Variants in MYRFL observed in about 807,000 individuals in gnomAD.
MYRFL encodes the protein myelin regulatory factor like.
MYRFL carries 88 observed loss-of-function variants against 109.4 expected under a neutral mutation model. The observed-to-expected ratio is 0.80, with a 90% CI of 0.68 to 0.96. The LOEUF (loss-of-function observed/expected upper bound fraction) is 0.96, where lower values mean the gene tolerates loss of function less well. Among genes scored for constraint, MYRFL ranks in the 40% least tolerant of loss-of-function variants. The pLI is 0.00. For missense variants in MYRFL, 957 were observed against 954.9 expected (o/e 1.00, Z -0.03); for synonymous variants, 324 against 320.9 (o/e 1.01, Z -0.10).
chr12:69,901,930 G>A (rs77704454), intron 10 of MYRFL, among the ~76,000 whole-genome samples: 45,143 of 145,980 alleles, frequency 0.31, 7,275 homozygotes, highest in African/African-American at 0.35. Context: ...GTATTGCTCT[G>A]TCCCCTAGGC....
intron 10 of MYRFL, among the ~76,000 whole-genome samples, chr12:69,898,188 A>C (rs1034703143): frequency 6.6e-6 from 1 of 152,190 alleles, no homozygotes; most frequent in African/African-American, 2.4e-5. Context: ...CCATTTGGGG[A>C]AATGGCATCT....
rs1428329911 is a variant in MYRFL, at chr12:69,909,995, A to G, written c.1410A>G (p.Arg470=). 6.5e-7 allele frequency: 1 copy of G among 1,533,638 alleles called. No homozygotes were observed. Among genetic ancestry groups the G allele is most frequent in the Non-Finnish European group, 8.7e-7 (1 of 1,146,206 alleles). ...QEVDTNEQLK[R]IAQMRIVEYD... ...TTGACACGAATGAACAGCTGAAAAGAATAGCCCAAATGAGAATTGTTGAAT... is the reference window on the plus strand; with the variant it reads ...TTGACACGAATGAACAGCTGAAAAGGATAGCCCAAATGAGAATTGTTGAAT... Residue 470 remains arginine (R), a synonymous_variant, in exon 12 of 25, where the codon AGA becomes AGG. Coordinates refer to ENST00000552032, the MANE Select transcript of MYRFL (RefSeq NM_182530.3).
intron 4 of MYRFL, among the ~76,000 whole-genome samples, chr12:69,879,901 G>A (rs1037205124): frequency 6.6e-6 from 1 of 152,048 alleles, no homozygotes; most frequent in Non-Finnish European, 1.5e-5. Flanking sequence ...AAAAATTGTG[G>A]TAAAACTCCA....
At chr12:69,879,590 C>T in intron 4 of MYRFL, 137 bp downstream of exon 4, 1 of 578,504 alleles carries the variant, frequency 1.7e-6, no homozygotes, top group Non-Finnish European at 3.1e-6. Flanking sequence ...TATAGGACAT[C>T]GCGAGGTCCC....
intron 11 of MYRFL, among the ~76,000 whole-genome samples, chr12:69,906,561 A>G (rs563104917): frequency 2.1e-5 from 3 of 145,022 alleles, no homozygotes; most frequent in African/African-American, 8.3e-5. Flanking sequence ...AAAAAATTCA[A>G]GCCAGAAAAG....
chr12:69,834,647 G>A (rs1882828955), intron 1 of MYRFL, among the ~76,000 whole-genome samples: 1 of 152,134 alleles, frequency 6.6e-6, no homozygotes, highest in South Asian at 2.1e-4. Flanking sequence ...TTTATTTATT[G>A]TGAAACAAGA....
chr12:69,831,306 G>T (rs1251515795), intron 1 of MYRFL, among the ~76,000 whole-genome samples: 1 of 152,146 alleles, frequency 6.6e-6, no homozygotes, highest in African/African-American at 2.4e-5. Flanking sequence ...GATGCTGTGA[G>T]CGAAGAGGTG....
chr12:69,857,200 C>A (rs1484595182), intron 2 of MYRFL, among the ~76,000 whole-genome samples: 1 of 151,980 alleles, frequency 6.6e-6, no homozygotes, highest in South Asian at 2.1e-4. Context: ...TATTTCTAGA[C>A]TCTTCATTCC....
At chr12:69,945,047 AAG>A (rs1447269205) in intron 19 of MYRFL, among the ~76,000 whole-genome samples, 1 of 152,182 alleles carries the variant, frequency 6.6e-6, no homozygotes, top group Non-Finnish European at 1.5e-5. Context: ...GATATAAAGA[AAG>A]AAAATATCTT....
chr12:69,957,377 A>AAAAT (rs1346887407), intron 22 of MYRFL, among the ~76,000 whole-genome samples: 2 of 152,216 alleles, frequency 1.3e-5, no homozygotes, highest in Non-Finnish European at 1.5e-5. Flanking sequence ...AAAATTATAA[A>AAAAT]AAATACATAT....
At chr12:69,866,985 C>T (rs370777818) in intron 2 of MYRFL, among the ~76,000 whole-genome samples, 5 of 152,156 alleles carry the variant, frequency 3.3e-5, no homozygotes, top group African/African-American at 1.2e-4. Context: ...CTTATTTGGC[C>T]GTGGGCCCCA....
At chr12:69,894,610 G>T (rs1290405297) in intron 8 of MYRFL, among the ~76,000 whole-genome samples, 3 of 152,206 alleles carry the variant, frequency 2.0e-5, no homozygotes, top group Non-Finnish European at 2.9e-5. Flanking sequence ...TTAAAGCCAT[G>T]TTGATAGCTT....
rs1461678033 is a variant in MYRFL, at chr12:69,833,969, A to AG, written c.46+8408dup. On this transcript the variant is annotated intron_variant, in intron 1 of 24. Transcript: ENST00000552032. ...ATAAGATGAGGTGTTAGTGGTAAAA[A>AG]GGTAATGGTTTATGTTCATTGAGCA... Among the ~76,000 whole-genome samples, 16 of 152,202 alleles carry AG rather than the reference A, an allele frequency of 1.1e-4. No homozygotes were observed. In the East Asian group the frequency reaches 2.9e-3, roughly 27 times the overall value.
chr12:69,895,023 C>G (rs745581853), intron 8 of MYRFL, among the ~76,000 whole-genome samples: 4 of 152,226 alleles, frequency 2.6e-5, no homozygotes, highest in Non-Finnish European at 5.9e-5. Context: ...GCTATCACAA[C>G]AGTGGCGGCA....
intron 1 of MYRFL, among the ~76,000 whole-genome samples, chr12:69,844,701 C>G (rs1205482682): frequency 1.3e-5 from 2 of 152,160 alleles, no homozygotes; most frequent in African/African-American, 2.4e-5. Context: ...TTGGCCTTAT[C>G]TGTAAACTGG....
At chr12:69,900,779 T>A (rs1310325546) in intron 10 of MYRFL, among the ~76,000 whole-genome samples, 1 of 152,206 alleles carries the variant, frequency 6.6e-6, no homozygotes, top group East Asian at 1.9e-4. Flanking sequence ...TTGCTGCTGA[T>A]GCTGTTTTCT....
At chr12:69,859,262 A>G (rs533823937) in intron 2 of MYRFL, among the ~76,000 whole-genome samples, 4 of 152,286 alleles carry the variant, frequency 2.6e-5, no homozygotes, top group Middle Eastern at 3.4e-3. Flanking sequence ...ATGACCCAGA[A>G]TATGATCTAT....
chr12:69,935,049 C>T (rs949451079), intron 16 of MYRFL, among the ~76,000 whole-genome samples: 3 of 152,148 alleles, frequency 2.0e-5, no homozygotes, highest in Admixed American at 1.3e-4. Flanking sequence ...ACAGTTGCCA[C>T]GATGACACTA....
At chr12:69,913,920 T>C (rs1053082401) in intron 13 of MYRFL, among the ~76,000 whole-genome samples, 6 of 152,236 alleles carry the variant, frequency 3.9e-5, no homozygotes, top group Non-Finnish European at 5.9e-5. Context: ...TTAAGTCTTC[T>C]AATCCTTGAA....
Sources: allele counts gnomAD v4.1 joint callset (sites outside exome capture counted in the v4.1 genomes callset), GRCh38; gene constraint gnomAD v4.1.1; transcripts MANE v1.5; gene names NCBI Gene and HGNC (gene_info 2026-07-23, HGNC 2026-07-21).